GLIS1: variants seen among roughly 807,000 people sequenced by gnomAD.
The protein encoded by GLIS1 is GLIS family zinc finger 1.
In GLIS1, 24 loss-of-function variants were observed where a neutral mutation model predicts 63.8. The ratio of observed to expected loss-of-function variants is 0.38; its 90% CI spans 0.27 to 0.53. The LOEUF is 0.53. GLIS1 is among the 20% of genes least tolerant of loss of function. The pLI is 0.85. For missense variants in GLIS1, 1,036 were observed against 1,074.1 expected, an observed-to-expected ratio of 0.96 and a Z score of 0.50; for synonymous variants, 450 against 482.5, an observed-to-expected ratio of 0.93 and a Z score of 0.88.
At chr1:53,663,555 C>T (rs1467436629) in intron 2 of GLIS1, among the ~76,000 whole-genome samples, 1 of 152,244 alleles carries the variant, frequency 6.6e-6, no homozygotes, top group East Asian at 1.9e-4. Flanking sequence ...GGGGAGAACC[C>T]CAAGCTGGGC....
chr1:53,737,954 C>CCTT lies in GLIS1; in HGVS notation c.110_111insAAG (p.Arg37dup). The CCTT allele has an allele frequency of 8.1e-7, 1 of 1,230,290 alleles. No homozygotes were observed. Among genetic ancestry groups the CCTT allele is most frequent in the East Asian group, 3.2e-5 (1 of 31,628 alleles). 76.2% of individuals were successfully genotyped at this position (1,230,290 alleles called of 1,614,324 possible). ...CGCAGCCGCCGCCACTCACGGTGACCCTGAAGGCCATGTGCGCGCCGAGGC... is the reference window on the plus strand; with the variant it reads ...CGCAGCCGCCGCCACTCACGGTGACCCTTCTGAAGGCCATGTGCGCGCCGAGGC... On this transcript the variant is annotated inframe_insertion, in exon 2 of 11. Transcript: ENST00000628545.
At chr1:53,552,853 A>G (rs1157011807) in intron 4 of GLIS1, among the ~76,000 whole-genome samples, 1 of 152,228 alleles carries the variant, frequency 6.6e-6, no homozygotes, top group African/African-American at 2.4e-5. Context: ...TAACTACCTC[A>G]GTGACAGAAA....
At chr1:53,558,898 C>T (rs1227420982) in intron 4 of GLIS1, among the ~76,000 whole-genome samples, 4 of 152,218 alleles carry the variant, frequency 2.6e-5, no homozygotes, top group Non-Finnish European at 5.9e-5. Context: ...CAAACCAGAG[C>T]TTAGCGAGCA....
chr1:53,525,474 G>GCTGGGGAGGTTGGGGGTGCTGGGAGT (rs1644457799), intron 5 of GLIS1, among the ~76,000 whole-genome samples: 1 of 131,344 alleles, frequency 7.6e-6, no homozygotes, highest in Admixed American at 7.1e-5. Flanking sequence ...GGCTGGGGAG[G>GCTGGGGAGGTTGGGGGTGCTGGGAGT]CTGGGGAGTC....
chr1:53,626,686 T>C (rs1314057849), intron 2 of GLIS1, among the ~76,000 whole-genome samples: 2 of 152,246 alleles, frequency 1.3e-5, no homozygotes, highest in East Asian at 3.8e-4. Flanking sequence ...ACCAAGTATC[T>C]GCTACATGCA....
intron 2 of GLIS1, among the ~76,000 whole-genome samples, chr1:53,632,372 GGTGT>G (rs541315294): frequency 6.8e-6 from 1 of 147,624 alleles, no homozygotes; most frequent in African/African-American, 2.5e-5. Context: ...GGGACTGAGG[GGTGT>G]GTGAGTGTGA....
intron 2 of GLIS1, among the ~76,000 whole-genome samples, chr1:53,719,233 G>T (rs1317790097): frequency 6.6e-6 from 1 of 152,222 alleles, no homozygotes; most frequent in Non-Finnish European, 1.5e-5. Context: ...GTATTTCCAG[G>T]CATGGATCAA....
intron 4 of GLIS1, among the ~76,000 whole-genome samples, chr1:53,576,092 G>A (rs1313479042): frequency 6.8e-6 from 1 of 147,482 alleles, no homozygotes; most frequent in Non-Finnish European, 1.5e-5. Context: ...TTTCCTACCC[G>A]TCCCCCTCAC....
At chr1:53,553,576 A>T (rs1644784709) in intron 4 of GLIS1, among the ~76,000 whole-genome samples, 5 of 152,244 alleles carry the variant, frequency 3.3e-5, no homozygotes, top group Admixed American at 3.3e-4. Flanking sequence ...CAAATGAGTA[A>T]GACAATGTCA....
intron 2 of GLIS1, among the ~76,000 whole-genome samples, chr1:53,627,339 G>A (rs142513543): frequency 4.8e-4 from 73 of 152,250 alleles, no homozygotes; most frequent in African/African-American, 1.7e-3. Context: ...GGCAGTCCTC[G>A]TGGGCACCGG....
intron 2 of GLIS1, among the ~76,000 whole-genome samples, chr1:53,654,482 C>T (rs1390677838): frequency 6.6e-6 from 1 of 152,050 alleles, no homozygotes; most frequent in East Asian, 1.9e-4. Context: ...GTCTGAGTTC[C>T]GGGGAAGATC....
chr1:53,630,530 C>G (rs898883217), intron 2 of GLIS1, among the ~76,000 whole-genome samples: 1 of 150,422 alleles, frequency 6.6e-6, no homozygotes, highest in Non-Finnish European at 1.5e-5. Flanking sequence ...GAGTCTCACT[C>G]TGTTGCCCAG....
chr1:53,547,737 T>A (rs1644718909), intron 4 of GLIS1, among the ~76,000 whole-genome samples: 1 of 152,220 alleles, frequency 6.6e-6, no homozygotes, highest in Admixed American at 6.5e-5. Context: ...CAGACTGGGT[T>A]TAACGAATTC....
chr1:53,687,521 G>A (rs563405213), intron 2 of GLIS1, among the ~76,000 whole-genome samples: 35 of 152,202 alleles, frequency 2.3e-4, no homozygotes, highest in African/African-American at 7.7e-4. Context: ...GTACATCCCC[G>A]CTCTCCTGTG....
chr1:53,602,466 G>A (rs141139616), intron 2 of GLIS1, among the ~76,000 whole-genome samples: 536 of 152,196 alleles, frequency 3.5e-3, no homozygotes, highest in South Asian at 0.02. Context: ...GTCTCTAACG[G>A]GGGTGCCGTT....
chr1:53,508,397 C>A (rs1644259683), intron 10 of GLIS1, among the ~76,000 whole-genome samples: 1 of 152,204 alleles, frequency 6.6e-6, no homozygotes, highest in Non-Finnish European at 1.5e-5. Context: ...CCCCAAGGGC[C>A]TCTGGGGCGG....
rs186118043 is a variant in GLIS1 at position 53,692,236 on chromosome 1, A to T, written c.259+45570T>A. Among the ~76,000 whole-genome samples the T allele has an allele frequency of 3.9e-3, 587 of 152,324 alleles. 6 individuals carry two copies. The highest frequency in any genetic ancestry group is 0.013 in the African/African-American group (531 of 41,558). On this transcript the variant is annotated intron_variant, in intron 2 of 10. Transcript: ENST00000628545. ...CCCTTTGAACGAAGCACACCACGTA[A>T]TGAGGCTTAAACTCACTGCCAGATT...
Position 53,509,297 on chromosome 1 carries a change from G to C in GLIS1, c.2063-10C>G. Reference sequence around the variant, plus strand: ...AAACTGCCCTGGTAACCTGCAGACGGGGGTAGCAGGGGCCGCGTTCACAAA... The same window carrying C: ...AAACTGCCCTGGTAACCTGCAGACGCGGGTAGCAGGGGCCGCGTTCACAAA... On this transcript the variant is annotated splice_polypyrimidine_tract_variant and intron_variant, in intron 9 of 10. Coordinates refer to ENST00000628545, the MANE Select transcript of GLIS1 (RefSeq NM_001367484.1). The C allele has an allele frequency of 1.3e-6, 2 of 1,557,512 alleles. No individual in the cohort carries two copies. The highest frequency in any genetic ancestry group is 2.4e-5 in the East Asian group (1 of 42,284).
chr1:53,689,466 T>C (rs1646378176), intron 2 of GLIS1, among the ~76,000 whole-genome samples: 1 of 152,078 alleles, frequency 6.6e-6, no homozygotes, highest in Non-Finnish European at 1.5e-5. Context: ...CCGTGTATCT[T>C]CCCACCCAGA....
Sources: gnomAD v4.1 joint callset for allele counts (sites outside exome capture counted in the v4.1 genomes callset) on GRCh38, gnomAD v4.1.1 for gene constraint, MANE v1.5 for transcripts, NCBI Gene and HGNC (gene_info 2026-07-23, HGNC 2026-07-21) for gene names.